The following PASD1 variants were observed in gnomAD, a reference collection of about 807,000 sequenced individuals.
PASD1 encodes PAS domain containing repressor 1.
Under a neutral mutation model 58.8 loss-of-function variants are expected in PASD1, and 13 were observed. The ratio of observed to expected loss-of-function variants is 0.22; its 90% confidence interval spans 0.14 to 0.35. The LOEUF (loss-of-function observed/expected upper bound fraction) is 0.35. PASD1 is among the 10% of genes least tolerant of loss of function. The pLI, the probability that PASD1 is intolerant of heterozygous loss-of-function variation, is 1.00. For synonymous variants in PASD1, 236 were observed against 216.7 expected, an observed-to-expected ratio of 1.09 and a Z score of -0.78; for missense variants, 734 against 568.3, an observed-to-expected ratio of 1.29 and a Z score of -2.96.
At chrX:151,673,535 C>T in intron 14 of PASD1, 2 of 191,826 alleles carry the variant, frequency 1.0e-5, no homozygotes, top group African/African-American at 2.9e-5. Context: ...ACAAGACTTC[C>T]AGGCTTAGGG....
At chrX:151,638,834 C>T (rs1417669356) in intron 8 of PASD1, among the ~76,000 whole-genome samples, 1 of 111,034 alleles carries the variant, frequency 9.0e-6, no homozygotes, top group Non-Finnish European at 1.9e-5. Context: ...TTTGTATCTA[C>T]GATCTACTTT....
intron 6 of PASD1, among the ~76,000 whole-genome samples, chrX:151,622,712 A>G (rs1206201423): frequency 9.0e-6 from 1 of 110,921 alleles, no homozygotes; most frequent in Non-Finnish European, 1.9e-5. Context: ...ATAACGGAAG[A>G]CTGAAAACCA....
chrX:151,592,144 A>G (rs1375160057), intron 1 of PASD1, among the ~76,000 whole-genome samples: 2 of 112,007 alleles, frequency 1.8e-5, no homozygotes, highest in East Asian at 5.6e-4. Context: ...TACTTTCCAC[A>G]GGAATTTTGT....
In PASD1 at chrX:151,563,822, G is replaced by A. The variant is rs1226156150; in HGVS notation, c.-45G>A. The A allele has an allele frequency of 2.7e-5, 3 of 112,372 alleles. No individual in the cohort carries two copies. The East Asian group carries it at 8.5e-4, about 32-fold the overall frequency. The allele number at this position is 112,372 out of a possible 1,213,427, so 9.3% of individuals were successfully genotyped here. The stretch of plus-strand genomic sequence containing the variant: ...CCCCAAGTCCCTGCGGCCTCCAGCA[G>A]TGAAGAGTTCCACAAGGGTGAGTGA... On this transcript the variant is annotated 5_prime_UTR_variant, in exon 1 of 16. In the 5' UTR this introduces an upstream ATG that the reference lacks. Transcript: ENST00000370357.
chrX:151,614,459 A>T (rs1387505267), intron 4 of PASD1, among the ~76,000 whole-genome samples: 1 of 112,028 alleles, frequency 8.9e-6, no homozygotes, highest in Non-Finnish European at 1.9e-5. Flanking sequence ...GTGTTTGAAG[A>T]GGGGTTACCT....
At chrX:151,631,550 G>A (rs1191458083) in intron 8 of PASD1, among the ~76,000 whole-genome samples, 2 of 112,124 alleles carry the variant, frequency 1.8e-5, no homozygotes, top group Non-Finnish European at 3.8e-5. Context: ...CAAAAGTAAA[G>A]TAGAAAACAC....
rs747379805 is a variant in PASD1, at chrX:151,659,554, G to A, written c.718-159G>A. Among the ~76,000 whole-genome samples the A allele has an allele frequency of 3.7e-4, 42 of 112,260 alleles. No homozygotes were observed. The South Asian group carries it at 0.011, about 31-fold the overall frequency. ...TGTTATCTTCCAGCAATATTTTTAA[G>A]GAGGTATTTGATGATGATTTTTGTT... On this transcript the variant is annotated intron_variant, in intron 9 of 15. Coordinates refer to ENST00000370357, the MANE Select transcript of PASD1 (RefSeq NM_173493.3).
intron 1 of PASD1, among the ~76,000 whole-genome samples, chrX:151,570,028 T>A (rs145620492): frequency 9.0e-6 from 1 of 111,580 alleles, no homozygotes; most frequent in African/African-American, 3.3e-5. Flanking sequence ...GACATAGCCC[T>A]TTTTAAAAAA....
At chrX:151,629,485 C>T (rs920477207) in intron 8 of PASD1, among the ~76,000 whole-genome samples, 1 of 111,729 alleles carries the variant, frequency 9.0e-6, no homozygotes, top group Non-Finnish European at 1.9e-5. Context: ...AGCACGTGCA[C>T]GACCAAGCTT....
intron 1 of PASD1, among the ~76,000 whole-genome samples, chrX:151,600,201 C>T (rs867082541): frequency 4.3e-4 from 47 of 109,788 alleles, no homozygotes; most frequent in African/African-American, 1.5e-3. Flanking sequence ...TGCAGTGAGT[C>T]GAGATGGTGG....
At chrX:151,653,751 C>T (rs183507042) in intron 9 of PASD1, among the ~76,000 whole-genome samples, 816 of 16,821 alleles carry the variant, frequency 0.049, 87 homozygotes, top group Middle Eastern at 0.14. Context: ...TCTTTCCTTC[C>T]TTCTTTCTTT....
intron 8 of PASD1, among the ~76,000 whole-genome samples, chrX:151,644,813 T>G (rs1461919261): frequency 9.0e-6 from 1 of 110,905 alleles, no homozygotes; most frequent in African/African-American, 3.3e-5. Context: ...TTAGGTATAA[T>G]TGACCAATGT....
At chrX:151,564,647 C>T (rs1215060010) in intron 1 of PASD1, among the ~76,000 whole-genome samples, 1 of 109,143 alleles carries the variant, frequency 9.2e-6, no homozygotes, top group Non-Finnish European at 1.9e-5. Flanking sequence ...ATCTTAGTCT[C>T]AGCTACTGGT....
At chrX:151,603,945 A>G (rs1171260777) in intron 2 of PASD1, among the ~76,000 whole-genome samples, 3 of 112,191 alleles carry the variant, frequency 2.7e-5, no homozygotes, top group East Asian at 2.8e-4. Flanking sequence ...GTTTATTGAC[A>G]TGAAGCATTA....
At chrX:151,583,581 CTG>C (rs2013126378) in intron 1 of PASD1, among the ~76,000 whole-genome samples, 1 of 111,897 alleles carries the variant, frequency 8.9e-6, no homozygotes, top group Admixed American at 9.5e-5. Context: ...AATTAAAAAA[CTG>C]GCAATATTTT....
chrX:151,648,571 G>T (rs377704291), intron 8 of PASD1, 44 bp from the exon 9 acceptor site: 41 of 1,114,646 alleles, frequency 3.7e-5, no homozygotes, highest in Non-Finnish European at 5.0e-5. Flanking sequence ...GATTTAAATG[G>T]CGAGTGAGAT....
intron 1 of PASD1, among the ~76,000 whole-genome samples, chrX:151,580,513 T>TTC (rs1296586396): frequency 6.0e-4 from 64 of 107,209 alleles, no homozygotes; most frequent in African/African-American, 2.1e-3. Flanking sequence ...TTTTTCTTTT[T>TTC]TTTTTTTTTT....
intron 1 of PASD1, among the ~76,000 whole-genome samples, chrX:151,574,770 G>A (rs1441858223): frequency 8.9e-6 from 1 of 112,079 alleles, no homozygotes; most frequent in Non-Finnish European, 1.9e-5. Context: ...CAAGTCCATA[G>A]AATCTGTTAA....
chrX:151,627,362 C>A (rs1057421775), intron 8 of PASD1, among the ~76,000 whole-genome samples: 1 of 109,032 alleles, frequency 9.2e-6, no homozygotes, highest in African/African-American at 3.3e-5. Flanking sequence ...CCACTCCCCC[C>A]ACCCCACAAC....
Sources: gnomAD v4.1 joint callset for allele counts (sites outside exome capture counted in the v4.1 genomes callset) on GRCh38, gnomAD v4.1.1 for gene constraint, MANE v1.5 for transcripts, NCBI Gene and HGNC (gene_info 2026-07-23, HGNC 2026-07-21) for gene names.